CSMD2: variants seen among roughly 807,000 people sequenced by gnomAD.
CSMD2 encodes CUB and Sushi multiple domains 2.
Under a neutral mutation model 398.5 loss-of-function variants are expected in CSMD2, and 130 were observed. The ratio of observed to expected loss-of-function variants is 0.33; its 90% CI spans 0.28 to 0.38. CSMD2 has a LOEUF of 0.38. CSMD2 is among the 10% of genes least tolerant of loss of function. The pLI is 1.00. For missense variants in CSMD2, 3,829 were observed against 4,764.9 expected (o/e 0.80, Z 5.78); for synonymous variants, 1,828 against 1,908.5 (o/e 0.96, Z 1.10).
At chr1:34,097,019 A>G (rs1659394524) in intron 1 of CSMD2, among the ~76,000 whole-genome samples, 1 of 149,208 alleles carries the variant, frequency 6.7e-6, no homozygotes, top group Non-Finnish European at 1.5e-5. Context: ...CTATACCACA[A>G]GGCTACAGTA....
chr1:33,610,226 ATTTT>A (rs11367076), intron 41 of CSMD2, among the ~76,000 whole-genome samples: 3 of 144,398 alleles, frequency 2.1e-5, no homozygotes, highest in African/African-American at 2.5e-5. Context: ...CAGTGTTTAG[ATTTT>A]TTTTTTTTTT....
At chr1:33,673,162 C>T (rs1175327895) in intron 25 of CSMD2, among the ~76,000 whole-genome samples, 3 of 152,068 alleles carry the variant, frequency 2.0e-5, no homozygotes, top group Non-Finnish European at 4.4e-5. Flanking sequence ...TCAAACTACT[C>T]CAAGCTAAAG....
At chr1:33,863,921 T>A (rs188073558) in intron 5 of CSMD2, 1 of 374,292 alleles carries the variant, frequency 2.7e-6, no homozygotes, top group African/African-American at 2.1e-5. Flanking sequence ...GAGGCAAACA[T>A]TGACCCTCAA....
At chr1:34,002,146 CATTAGT>C (rs1427727684) in intron 3 of CSMD2, among the ~76,000 whole-genome samples, 3 of 152,096 alleles carry the variant, frequency 2.0e-5, no homozygotes, top group African/African-American at 7.2e-5. Context: ...CCAGCATTAG[CATTAGT>C]TTGTTATCCC....
In CSMD2 at chr1:33,702,327, T is replaced by A. The variant is rs114786540; in HGVS notation, c.3577-1654A>T. On this transcript the variant is annotated intron_variant, in intron 22 of 70. Transcript: ENST00000373381. ...GAAATTTAAACCCTCACTGGATATA[T>A]GATGCTATTAAGAAATTATGGTTAA... 9.4e-3 allele frequency among the ~76,000 whole-genome samples: 1,437 copies of A among 152,322 alleles called. 20 individuals are homozygous for A. The highest frequency in any genetic ancestry group is 0.031 in the African/African-American group (1,287 of 41,580).
rs755628428 is a variant in CSMD2, at chr1:33,569,429, C to T, written c.8076G>A (p.Arg2692=). ...CNSGYTLVGS[R]VRECMANGLW... is the part of the protein sequence containing the mutation. Reference sequence around the variant, plus strand: ...GCCCATTGGCCATGCACTCACGCACCCTGGAGCCCACCAGTGTGTATCCGG... The same window carrying T: ...GCCCATTGGCCATGCACTCACGCACTCTGGAGCCCACCAGTGTGTATCCGG... The change falls in exon 52 of 71, where the codon AGG becomes AGA. Residue 2692 remains arginine, a synonymous_variant. Coordinates refer to ENST00000373381, the MANE Select transcript of CSMD2 (RefSeq NM_001281956.2). The T allele has an allele frequency of 2.5e-6, 4 of 1,614,176 alleles. No individual in the cohort carries two copies. In the South Asian group the frequency reaches 4.4e-5, roughly 18 times the overall value.
intron 40 of CSMD2, among the ~76,000 whole-genome samples, chr1:33,613,747 G>A (rs538938186): frequency 6.6e-6 from 1 of 152,324 alleles, no homozygotes; most frequent in East Asian, 1.9e-4. Context: ...AATGGCTTGG[G>A]CAAGATGACC....
At chr1:33,621,400 G>A (rs190680336) in intron 37 of CSMD2, among the ~76,000 whole-genome samples, 1 of 152,282 alleles carries the variant, frequency 6.6e-6, no homozygotes, top group African/African-American at 2.4e-5. Flanking sequence ...CACCTGTAAT[G>A]CTGTCATGCA....
At chr1:33,863,901 T>C (rs1050673313) in intron 5 of CSMD2, 5 of 328,434 alleles carry the variant, frequency 1.5e-5, no homozygotes, top group African/African-American at 8.7e-5. Context: ...TGAACCATCA[T>C]CTTTCATGAG....
intron 6 of CSMD2, among the ~76,000 whole-genome samples, chr1:33,844,938 C>T (rs1027344003): frequency 1.3e-5 from 2 of 152,162 alleles, no homozygotes; most frequent in African/African-American, 4.8e-5. Flanking sequence ...TGAGTTGTTC[C>T]CTGCTGCAGA....
intron 55 of CSMD2, among the ~76,000 whole-genome samples, chr1:33,555,481 T>C (rs1252265931): frequency 3.3e-5 from 5 of 152,238 alleles, no homozygotes; most frequent in Non-Finnish European, 7.3e-5. Context: ...GAAGACTGAC[T>C]GCAATTTTGA....
intron 1 of CSMD2, among the ~76,000 whole-genome samples, chr1:34,154,768 C>T (rs182290240): frequency 7.4e-4 from 111 of 149,646 alleles, no homozygotes; most frequent in African/African-American, 2.5e-3. Flanking sequence ...TGTTCTATCA[C>T]CCAGGCTGGA....
intron 44 of CSMD2, among the ~76,000 whole-genome samples, chr1:33,587,443 C>A (rs1049501010): frequency 6.6e-6 from 1 of 152,140 alleles, no homozygotes; most frequent in Non-Finnish European, 1.5e-5. Flanking sequence ...TTTCTGAGTG[C>A]CTCGTGGATA....
chr1:34,163,499 A>G lies in CSMD2; in HGVS notation c.187+1412T>C, dbSNP rs1240683639. On this transcript the variant is annotated intron_variant, in intron 1 of 70. Transcript: ENST00000373381. This position sits in a 1 kb window ranked among gnomAD's most constrained non-coding sequence, Gnocchi z 5.4. ...TAAGCGGTGGGCGACACGGTCTGCG[A>G]GGACAGACTCACAAGACGCTGAAGG... Among the ~76,000 whole-genome samples, 1 of 152,162 alleles carries G rather than the reference A, an allele frequency of 6.6e-6. No individual in the cohort carries two copies. Among genetic ancestry groups the G allele is most frequent in the African/African-American group, 2.4e-5 (1 of 41,462 alleles).
At chr1:34,147,818 T>A (rs186186480) in intron 1 of CSMD2, among the ~76,000 whole-genome samples, 1 of 152,244 alleles carries the variant, frequency 6.6e-6, no homozygotes, top group East Asian at 1.9e-4. Context: ...CCTCAGCGCT[T>A]CCCTGCACAA....
At chr1:33,935,695 T>C (rs1558128310) in intron 4 of CSMD2, 65 bp downstream of exon 4, 8 of 1,484,192 alleles carry the variant, frequency 5.4e-6, no homozygotes, top group Non-Finnish European at 7.2e-6. Context: ...TGGATGTCAC[T>C]GGAAGCTCCA....
chr1:34,037,864 A>G lies in CSMD2; in HGVS notation c.405-5158T>C, dbSNP rs78187110. Among the ~76,000 whole-genome samples, 910 of 152,336 alleles carry G rather than the reference A, an allele frequency of 6.0e-3. 13 individuals are homozygous for G. The highest frequency in any genetic ancestry group is 0.048 in the East Asian group (250 of 5,188). On this transcript the variant is annotated intron_variant, in intron 2 of 70. Coordinates refer to ENST00000373381, the MANE Select transcript of CSMD2 (RefSeq NM_001281956.2). ...TCCTAGACCCTAGTTTCTCGGTACT[A>G]TATTGATGCGAGCTGTGAATAGCTA...
At chr1:33,944,644 G>A (rs536104579) in intron 3 of CSMD2, among the ~76,000 whole-genome samples, 3 of 152,250 alleles carry the variant, frequency 2.0e-5, no homozygotes, top group East Asian at 3.9e-4. Context: ...TAATAGTCAC[G>A]GCTTGAGTGT....
intron 5 of CSMD2, among the ~76,000 whole-genome samples, chr1:33,914,199 C>T (rs1026765427): frequency 3.3e-5 from 5 of 152,074 alleles, no homozygotes; most frequent in African/African-American, 1.2e-4. Context: ...AAAGAAAACC[C>T]ACCACCCCCA....
Sources: gnomAD v4.1 joint callset for allele counts (sites outside exome capture counted in the v4.1 genomes callset) on GRCh38, gnomAD v4.1.1 for gene constraint, Gnocchi (gnomAD v3.1) non-coding constraint, MANE v1.5 for transcripts, NCBI Gene and HGNC (gene_info 2026-07-23, HGNC 2026-07-21) for gene names.